Variants in OSBP2 observed in about 807,000 individuals in gnomAD.
The protein encoded by OSBP2 is oxysterol binding protein 2.
A neutral mutation model predicts 96.0 loss-of-function variants in OSBP2; 66 were observed. That is an observed-to-expected ratio of 0.69 (90% CI 0.56 to 0.84). OSBP2 has a LOEUF of 0.84. OSBP2 is among the 40% of genes least tolerant of loss of function. The pLI is 0.00. For synonymous variants in OSBP2, 525 were observed against 520.9 expected (o/e 1.01, Z -0.11); for missense variants, 1,038 against 1,222.7 (o/e 0.85, Z 2.25).
At chr22:30,708,886 A>G (rs1014604305) in intron 1 of OSBP2, among the ~76,000 whole-genome samples, 3 of 151,536 alleles carry the variant, frequency 2.0e-5, no homozygotes, top group Non-Finnish European at 2.9e-5. Context: ...GGATCACCTG[A>G]GGTCAGGAGT....
intron 2 of OSBP2, among the ~76,000 whole-genome samples, chr22:30,819,626 GT>G (rs1226124276): frequency 3.9e-5 from 6 of 152,336 alleles, no homozygotes; most frequent in South Asian, 2.1e-4. Flanking sequence ...GAATCTGATA[GT>G]TTTTTGATTG....
At chr22:30,815,700 A>G (rs1396880388) in intron 2 of OSBP2, among the ~76,000 whole-genome samples, 6 of 151,696 alleles carry the variant, frequency 4.0e-5, no homozygotes, top group African/African-American at 1.5e-4. Flanking sequence ...TTTTCACCCC[A>G]CATTATAGCT....
At chr22:30,867,399 CAT>C (rs2039363338) in intron 2 of OSBP2, among the ~76,000 whole-genome samples, 1 of 152,210 alleles carries the variant, frequency 6.6e-6, no homozygotes, top group Non-Finnish European at 1.5e-5. Context: ...CCTGCCTTCT[CAT>C]GTGTGATCGC....
chr22:30,699,400 C>T (rs1009374940), intron 1 of OSBP2, among the ~76,000 whole-genome samples: 2 of 152,120 alleles, frequency 1.3e-5, no homozygotes, highest in Non-Finnish European at 2.9e-5. Flanking sequence ...TACAAACATT[C>T]TTGTATGTGT....
intron 3 of OSBP2, among the ~76,000 whole-genome samples, chr22:30,879,427 A>C (rs1265215257): frequency 6.6e-6 from 1 of 152,248 alleles, no homozygotes; most frequent in Non-Finnish European, 1.5e-5. Context: ...AAGCTGCTTC[A>C]CCAGTGCCGA....
chr22:30,776,471 C>T (rs136316), intron 2 of OSBP2, among the ~76,000 whole-genome samples: 102,814 of 151,952 alleles, frequency 0.68, 35,433 homozygotes, highest in African/African-American at 0.81. Context: ...TAAATAGATA[C>T]AGTGTACTTC....
intron 1 of OSBP2, among the ~76,000 whole-genome samples, chr22:30,730,725 T>A (rs1439952707): frequency 1.0e-3 from 17 of 16,688 alleles, no homozygotes; most frequent in African/African-American, 2.9e-3. Context: ...TGTCTCTCTC[T>A]CTCTCTCTCT....
chr22:30,829,305 T>C (rs5753335), intron 2 of OSBP2, among the ~76,000 whole-genome samples: 17,077 of 152,252 alleles, frequency 0.11, 1,050 homozygotes, highest in East Asian at 0.23. Flanking sequence ...TAGTTATTTT[T>C]TTGAGACGGA....
At chr22:30,767,166 C>T (rs571247008) in intron 2 of OSBP2, among the ~76,000 whole-genome samples, 53 of 139,008 alleles carry the variant, frequency 3.8e-4, no homozygotes, top group Admixed American at 1.2e-3. Context: ...AAAAATTAGC[C>T]GGGCGTTGTG....
chr22:30,902,596 G>A (rs2040238981), intron 12 of OSBP2: 1 of 756,574 alleles, frequency 1.3e-6, no homozygotes, highest in South Asian at 1.4e-5. Context: ...TTCAGAGATG[G>A]TCCTCCCTTC....
chr22:30,899,390 C>G (rs952563225), intron 12 of OSBP2, among the ~76,000 whole-genome samples: 3 of 139,688 alleles, frequency 2.1e-5, no homozygotes, highest in Non-Finnish European at 4.6e-5. Flanking sequence ...GGTGACAAAG[C>G]AGACCCTATC....
chr22:30,694,238 A>G, upstream of OSBP2: 1 of 1,549,914 alleles, frequency 6.5e-7, no homozygotes, highest in Non-Finnish European at 8.7e-7. Flanking sequence ...ACTGGCAGCG[A>G]AGCGCCTTGG....
chr22:30,883,231 C>T (rs1363413397), intron 3 of OSBP2, among the ~76,000 whole-genome samples: 2 of 152,234 alleles, frequency 1.3e-5, no homozygotes, highest in Non-Finnish European at 2.9e-5. Context: ...CTGGCCTCTG[C>T]ACCCCTACTT....
intron 1 of OSBP2, among the ~76,000 whole-genome samples, chr22:30,706,596 G>T (rs868791947): frequency 6.6e-5 from 10 of 152,152 alleles, no homozygotes; most frequent in Admixed American, 2.0e-4. Context: ...AATACAGTGT[G>T]TGGTTTCCCT....
chr22:30,842,338 A>G (rs892076211), intron 2 of OSBP2, among the ~76,000 whole-genome samples: 2 of 152,008 alleles, frequency 1.3e-5, no homozygotes, highest in African/African-American at 4.8e-5. Context: ...TAACAACTTA[A>G]CAATCATTGA....
At chr22:30,733,825 G>A (rs1602190016) in intron 1 of OSBP2, among the ~76,000 whole-genome samples, 1 of 152,062 alleles carries the variant, frequency 6.6e-6, no homozygotes, top group Non-Finnish European at 1.5e-5. Flanking sequence ...GTTGAGAATC[G>A]GTGTAGTTAA....
chr22:30,862,780 T>C (rs2039242872), intron 2 of OSBP2, among the ~76,000 whole-genome samples: 1 of 151,864 alleles, frequency 6.6e-6, no homozygotes, highest in Non-Finnish European at 1.5e-5. Context: ...CTGACCAGCC[T>C]GGCCAACATA....
chr22:30,873,870 G>A (rs1156765662), intron 3 of OSBP2, among the ~76,000 whole-genome samples: 10 of 152,166 alleles, frequency 6.6e-5, no homozygotes. Flanking sequence ...CTTCCTACAG[G>A]GACAGGCTGG....
At chr22:30,701,981 C>T (rs925497724) in intron 1 of OSBP2, among the ~76,000 whole-genome samples, 15 of 152,064 alleles carry the variant, frequency 9.9e-5, no homozygotes, top group African/African-American at 3.6e-4. Context: ...CAGTGCACAC[C>T]AACATTCTTA....
Sources: allele counts gnomAD v4.1 joint callset (sites outside exome capture counted in the v4.1 genomes callset), GRCh38; gene constraint gnomAD v4.1.1; transcripts MANE v1.5; gene names NCBI Gene and HGNC (gene_info 2026-07-23, HGNC 2026-07-21).